Variants in RRM1 observed in about 807,000 individuals in gnomAD.
RRM1 encodes the protein ribonucleoside-diphosphate reductase large subunit.
Under a neutral mutation model 101.5 loss-of-function variants are expected in RRM1, and 19 were observed. The observed-to-expected ratio is 0.19, with a 90% CI of 0.13 to 0.27. RRM1 has a LOEUF of 0.27. Among genes scored for constraint, RRM1 ranks in the 10% least tolerant of loss-of-function variants. The probability of loss-of-function intolerance (pLI) is 1.00; values close to 1 mark genes in which losing one functional copy is unlikely to be tolerated. For missense variants in RRM1, 500 were observed against 962.9 expected (o/e 0.52, Z 6.36); for synonymous variants, 298 against 323.4 (o/e 0.92, Z 0.84).
intron 7 of RRM1, among the ~76,000 whole-genome samples, chr11:4,114,362 G>T (rs1442994349): frequency 6.6e-6 from 1 of 151,626 alleles, no homozygotes; most frequent in Admixed American, 6.6e-5. Flanking sequence ...GACCAACAGG[G>T]CCAACATGGT....
At chr11:4,103,946 CAAAAA>C (rs34264302) in intron 2 of RRM1, among the ~76,000 whole-genome samples, 1 of 95,086 alleles carries the variant, frequency 1.1e-5, no homozygotes, top group Non-Finnish European at 2.1e-5. Flanking sequence ...CCTGTTTCTA[CAAAAA>C]AAAAAAAAAA....
chr11:4,117,309 TA>T lies in RRM1; in HGVS notation c.651-1010del, dbSNP rs1399845246. The stretch of plus-strand genomic sequence containing the variant: ...TAGGTTCATATTCTACAGAAATGCT[TA>T]GAGATAAACACAAGGTGTTGTGTTC... On this transcript the variant is annotated intron_variant, in intron 7 of 18. Coordinates refer to ENST00000300738, the MANE Select transcript of RRM1 (RefSeq NM_001033.5). 2.0e-5 allele frequency among the ~76,000 whole-genome samples: 3 copies of T among 152,158 alleles called. No homozygotes were observed. The South Asian group carries it at 6.2e-4, about 31-fold the overall frequency.
chr11:4,112,027 C>A lies in RRM1; in HGVS notation c.615C>A (p.Leu205=), dbSNP rs766223555. The change falls in exon 7 of 19, where the codon CTC becomes CTA. Residue 205 remains leucine, a synonymous_variant. Transcript: ENST00000300738. ...GGTTTACTCATGCTTCGCCCACTCTCTTCAATGCTGGTACCAACCGCCCAC... is the reference window on the plus strand; with the variant it reads ...GGTTTACTCATGCTTCGCCCACTCTATTCAATGCTGGTACCAACCGCCCAC... ...ERWFTHASPT[L]FNAGTNRPQL... 2 of 1,614,146 alleles carry A rather than the reference C, an allele frequency of 1.2e-6. No homozygotes were observed. Among genetic ancestry groups the A allele is most frequent in the Non-Finnish European group, 1.7e-6 (2 of 1,180,016 alleles).
In RRM1 at chr11:4,127,066, T is replaced by C. The variant is rs1157693854; in HGVS notation, c.1502T>C (p.Ile501Thr). 1 of 1,612,954 alleles carries C rather than the reference T, an allele frequency of 6.2e-7. No individual in the cohort carries two copies. Among genetic ancestry groups the C allele is most frequent in the Admixed American group, 1.7e-5 (1 of 59,710 alleles). Reference sequence around the variant, plus strand: ...CTATCAAATAAACGCCATCGCCCCATTGGAATTGGGGTACAAGGTCTGGCA... The same window carrying C: ...CTATCAAATAAACGCCATCGCCCCACTGGAATTGGGGTACAAGGTCTGGCA... ...ACLSNKRHRP[I>T]GIGVQGLADA... Residue 501 changes from isoleucine (I) to threonine (T), a missense_variant, in exon 14 of 19, where the codon ATT becomes ACT. By Grantham distance (89) the Ile-to-Thr change is moderately conservative. This residue lies in a region of RRM1 where 106 missense variants were observed against 138.1 expected (regional missense o/e 0.77). Transcript: ENST00000300738.
chr11:4,123,407 A>C (rs375722196), intron 12 of RRM1, 23 bp downstream of exon 12: 1 of 1,580,346 alleles, frequency 6.3e-7, no homozygotes, highest in East Asian at 2.2e-5. Context: ...AATTCTTCCT[A>C]GAGTACTAAG....
chr11:4,105,418 A>G (rs545998596), intron 2 of RRM1, among the ~76,000 whole-genome samples: 1 of 151,866 alleles, frequency 6.6e-6, no homozygotes, highest in Admixed American at 6.6e-5. Context: ...TTTAGTAGGG[A>G]TGGGGTCTCA....
intron 1 of RRM1, chr11:4,099,182 G>T (rs2094547436): frequency 6.6e-6 from 1 of 151,886 alleles, no homozygotes; most frequent in Admixed American, 6.6e-5. Flanking sequence ...TTGCTCTGTT[G>T]CCCAGGCTGG....
chr11:4,133,732 C>G, intron 17 of RRM1, 74 bp downstream of exon 17: 2 of 815,902 alleles, frequency 2.5e-6, no homozygotes. Context: ...TCATGCTAGA[C>G]AATGGAGAGA....
chr11:4,133,980 A>ATTTTTTTTTTTTTTTTTTTTTTTTTTTT (rs34715101), intron 17 of RRM1, among the ~76,000 whole-genome samples: 2 of 90,866 alleles, frequency 2.2e-5, no homozygotes, highest in African/African-American at 9.0e-5. Context: ...CCAGACATCA[A>ATTTTTTTTTTTTTTTTTTTTTTTTTTTT]TTTTTTTTTT....
chr11:4,138,424 A>G lies in RRM1; in HGVS notation c.*41A>G. On this transcript the variant is annotated 3_prime_UTR_variant, in exon 19 of 19. Transcript: ENST00000300738. ...AGACCAGCATGTCTTCAGTAGCCAAACTACTTCTTGAGCATAGATAGGTAT... is the reference window on the plus strand; with the variant it reads ...AGACCAGCATGTCTTCAGTAGCCAAGCTACTTCTTGAGCATAGATAGGTAT... 1 of 1,510,816 alleles carries G rather than the reference A, an allele frequency of 6.6e-7. No individual in the cohort carries two copies. Among genetic ancestry groups the G allele is most frequent in the Non-Finnish European group, 8.9e-7 (1 of 1,121,798 alleles). 93.6% of individuals were successfully genotyped at this position (1,510,816 alleles called of 1,614,324 possible).
rs1447783740 is a variant in RRM1 at position 4,133,572 on chromosome 11, C to G, written c.1915C>G (p.Pro639Ala). The G allele has an allele frequency of 6.2e-7, 1 of 1,604,842 alleles. No individual in the cohort carries two copies. Among genetic ancestry groups the G allele is most frequent in the Non-Finnish European group, 8.5e-7 (1 of 1,173,784 alleles). ...VLSGEFQIVN[P>A]HLLKDLTERG... ...CTGCTTTTCCATTCAGATTGTAAAT[C>G]CTCACTTATTGAAAGATCTTACCGA... The change falls in exon 17 of 19, where the codon CCT becomes GCT. Residue 639 changes from proline to alanine, a missense_variant. Coordinates refer to ENST00000300738, the MANE Select transcript of RRM1 (RefSeq NM_001033.5).
chr11:4,120,812 G>A (rs1301522321), intron 9 of RRM1, among the ~76,000 whole-genome samples: 3 of 152,124 alleles, frequency 2.0e-5, no homozygotes, highest in East Asian at 1.9e-4. Flanking sequence ...TCAAGACCAC[G>A]AGTTCAAGCT....
rs112706528 is a variant in RRM1, at chr11:4,138,291, G to T, written c.2287G>T (p.Val763Leu). The T allele has an allele frequency of 5.0e-6, 8 of 1,611,098 alleles. No individual in the cohort carries two copies. Among genetic ancestry groups the T allele is most frequent in the African/African-American group, 4.0e-5 (3 of 74,944 alleles). Residue 763 changes from valine to leucine, a missense_variant, in exon 19 of 19, where the codon GTA becomes TTA. By Grantham distance (32) the Val-to-Leu change is conservative. Transcript: ENST00000300738. ...GGAGAAGCTAAAAGATAAAGAAAAGGTATCAAAAGAGGAAGAAGAGAAGGA... is the reference window on the plus strand; with the variant it reads ...GGAGAAGCTAAAAGATAAAGAAAAGTTATCAAAAGAGGAAGAAGAGAAGGA... ...NKEKLKDKEK[V>L]SKEEEEKERN...
At chr11:4,110,184 A>G (rs1818870170) in intron 5 of RRM1, among the ~76,000 whole-genome samples, 1 of 152,010 alleles carries the variant, frequency 6.6e-6, no homozygotes, top group African/African-American at 2.4e-5. Context: ...TCTGTGTCTC[A>G]CTGTGTTGAC....
Position 4,132,093 on chromosome 11 carries a change from A to G in RRM1, c.1770-193A>G, listed in dbSNP as rs2094601487. Among the ~76,000 whole-genome samples, 1 of 152,230 alleles carries G rather than the reference A, an allele frequency of 6.6e-6. No homozygotes were observed. The highest frequency in any genetic ancestry group is 1.5e-5 in the Non-Finnish European group (1 of 68,046). On this transcript the variant is annotated intron_variant, in intron 15 of 18. Coordinates refer to ENST00000300738, the MANE Select transcript of RRM1 (RefSeq NM_001033.5). The surrounding 1 kb of genome is among the most constrained non-coding windows in gnomAD (Gnocchi z 4.1). ...GGCATTTAAGAGGAGAGTGGGCTAT[A>G]ATAGCACCCATACTGTGGAATTGCC...
chr11:4,136,804 G>C (rs1046410051), intron 18 of RRM1, among the ~76,000 whole-genome samples: 2 of 151,516 alleles, frequency 1.3e-5, no homozygotes, highest in African/African-American at 4.9e-5. Context: ...TCATTCTTGG[G>C]TGTTTCTCAC....
intron 2 of RRM1, chr11:4,105,690 A>T (rs1193912127): frequency 4.9e-6 from 2 of 405,068 alleles, no homozygotes; most frequent in Non-Finnish European, 9.4e-6. Context: ...CTGGGATCAC[A>T]GGTGTGTACC....
Position 4,123,348 on chromosome 11 carries a change from G to A in RRM1, c.1284G>A (p.Leu428=), listed in dbSNP as rs778041880. Reference sequence around the variant, plus strand: ...TGGGAACCATCAAATGCAGCAACCTGTGCACAGAAATAGTGGAGTACACCA... The same window carrying A: ...TGGGAACCATCAAATGCAGCAACCTATGCACAGAAATAGTGGAGTACACCA... ...QNLGTIKCSN[L]CTEIVEYTSK... The change falls in exon 12 of 19, where the codon CTG becomes CTA. Residue 428 remains leucine, a synonymous_variant. Transcript: ENST00000300738. 2 of 1,614,142 alleles carry A rather than the reference G, an allele frequency of 1.2e-6. No homozygotes were observed. The highest frequency in any genetic ancestry group is 4.5e-5 in the East Asian group (2 of 44,876).
At chr11:4,115,310 G>A (rs929092108) in intron 7 of RRM1, among the ~76,000 whole-genome samples, 2 of 152,036 alleles carry the variant, frequency 1.3e-5, no homozygotes, top group Admixed American at 6.6e-5. Context: ...AATTATGTGG[G>A]TGGGCCCTTA....
Sources: gnomAD v4.1 joint callset for allele counts (sites outside exome capture counted in the v4.1 genomes callset) on GRCh38, gnomAD v4.1.1 for gene constraint, gnomAD v4.1.1 regional missense constraint, Gnocchi (gnomAD v3.1) non-coding constraint, MANE v1.5 for transcripts, NCBI Gene and HGNC (gene_info 2026-07-23, HGNC 2026-07-21) for gene names.